Variants in INVS observed in about 807,000 individuals in gnomAD.
The protein encoded by INVS is inversin.
In INVS, 86 loss-of-function variants were observed where a neutral mutation model predicts 108.8. The observed-to-expected ratio is 0.79, with a 90% CI of 0.66 to 0.95. The LOEUF is 0.95. Ranked by LOEUF, INVS falls within the 40% of genes least tolerant of loss-of-function variation. The pLI is 0.00. For missense variants in INVS, 1,169 were observed against 1,297.4 expected, an observed-to-expected ratio of 0.90 and a Z score of 1.52; for synonymous variants, 455 against 473.5, an observed-to-expected ratio of 0.96 and a Z score of 0.51.
At position 100,157,979 on chromosome 9, in the gene INVS, A is replaced by G. The variant is rs149822294; in HGVS notation, c.273+31430A>G. Among the ~76,000 whole-genome samples the G allele has an allele frequency of 1.8e-4, 27 of 152,252 alleles. No homozygotes were observed. In the East Asian group the frequency reaches 4.6e-3, roughly 26 times the overall value. On this transcript the variant is annotated intron_variant, in intron 3 of 16. Coordinates refer to ENST00000262457, the MANE Select transcript of INVS (RefSeq NM_014425.5). ...TTCTCACCACCCATTTGTTAAATTT[A>G]TTTTCATATCTCTTAGTATTTCTTA...
intron 2 of INVS, among the ~76,000 whole-genome samples, chr9:100,108,225 A>G (rs527493478): frequency 6.6e-6 from 1 of 152,348 alleles, no homozygotes; most frequent in South Asian, 2.1e-4. Flanking sequence ...GAAACCTTGA[A>G]AATCCCCAAA....
intron 3 of INVS, among the ~76,000 whole-genome samples, chr9:100,167,874 A>G (rs1166560879): frequency 6.6e-6 from 1 of 152,212 alleles, no homozygotes; most frequent in Non-Finnish European, 1.5e-5. Context: ...GGCAAAAAAC[A>G]TACTATGAGA....
At chr9:100,119,780 A>G (rs184670510) in intron 2 of INVS, among the ~76,000 whole-genome samples, 1 of 152,188 alleles carries the variant, frequency 6.6e-6, no homozygotes, top group African/African-American at 2.4e-5. Flanking sequence ...AGGATGTCTC[A>G]ATCTCCTGAT....
intron 11 of INVS, 85 bp from the exon 12 acceptor site, chr9:100,272,779 T>C (rs1832994775): frequency 8.0e-7 from 1 of 1,245,594 alleles, no homozygotes; most frequent in Non-Finnish European, 1.2e-6. Flanking sequence ...AGTTTCCTTC[T>C]GCTGCATAAT....
At chr9:100,244,240 C>T (rs1008306568) in intron 7 of INVS, among the ~76,000 whole-genome samples, 3 of 152,036 alleles carry the variant, frequency 2.0e-5, no homozygotes, top group Non-Finnish European at 4.4e-5. Context: ...CTATTATCAC[C>T]TAACAAAGCA....
At chr9:100,212,515 A>G (rs749449052) in intron 3 of INVS, among the ~76,000 whole-genome samples, 1 of 151,882 alleles carries the variant, frequency 6.6e-6, no homozygotes, top group Non-Finnish European at 1.5e-5. Flanking sequence ...TCTTTTTGCT[A>G]GACCTCTCTG....
At chr9:100,185,802 T>C (rs1179961928) in intron 3 of INVS, among the ~76,000 whole-genome samples, 2 of 152,070 alleles carry the variant, frequency 1.3e-5, no homozygotes, top group East Asian at 1.9e-4. Context: ...GAACATACAG[T>C]ATTTGATGTT....
intron 3 of INVS, among the ~76,000 whole-genome samples, chr9:100,220,596 T>A (rs751132388): frequency 6.6e-6 from 1 of 152,160 alleles, no homozygotes; most frequent in Non-Finnish European, 1.5e-5. Context: ...TCTCCTTCGC[T>A]CTTATACTAT....
At chr9:100,193,597 C>A (rs1477565713) in intron 3 of INVS, among the ~76,000 whole-genome samples, 1 of 152,108 alleles carries the variant, frequency 6.6e-6, no homozygotes, top group African/African-American at 2.4e-5. Flanking sequence ...CACTCTCTGC[C>A]TCCACCCTCC....
At chr9:100,297,238 T>G in intron 15 of INVS, 92 bp downstream of exon 15, 1 of 1,026,006 alleles carries the variant, frequency 9.7e-7, no homozygotes, top group East Asian at 2.6e-5. Context: ...TTGGGTAAAC[T>G]TCCATTCAGA....
At chr9:100,298,345 G>T in intron 16 of INVS, 1 of 983,796 alleles carries the variant, frequency 1.0e-6, no homozygotes, top group Non-Finnish European at 1.2e-6. Flanking sequence ...CCATTTTGGT[G>T]TCACACTATG....
At chr9:100,266,317 A>C (rs1249890365) in intron 11 of INVS, among the ~76,000 whole-genome samples, 1 of 152,200 alleles carries the variant, frequency 6.6e-6, no homozygotes, top group Non-Finnish European at 1.5e-5. Context: ...AAGTTTATTA[A>C]GAAAGGAAAG....
intron 11 of INVS, among the ~76,000 whole-genome samples, chr9:100,265,324 T>C (rs1043087542): frequency 1.3e-5 from 2 of 152,166 alleles, no homozygotes; most frequent in African/African-American, 4.8e-5. Flanking sequence ...AGGTTAGATA[T>C]TGTTCAGAAA....
At chr9:100,296,890 G>T (rs779714038) in intron 14 of INVS, 27 bp from the exon 15 acceptor site, 1 of 1,571,212 alleles carries the variant, frequency 6.4e-7, no homozygotes, top group Non-Finnish European at 8.8e-7. Flanking sequence ...TGATCTTAAA[G>T]CCTCTCCTCT....
At chr9:100,129,353 T>C (rs954300477) in intron 3 of INVS, among the ~76,000 whole-genome samples, 2 of 150,792 alleles carry the variant, frequency 1.3e-5, no homozygotes, top group Non-Finnish European at 3.0e-5. Flanking sequence ...CACAAATTAG[T>C]TGGGCATGGT....
chr9:100,155,222 AAAG>A, intron 3 of INVS, among the ~76,000 whole-genome samples: 1 of 152,172 alleles, frequency 6.6e-6, no homozygotes, highest in Admixed American at 6.5e-5. Context: ...AAAAAAAAAA[AAAG>A]AAAATGAGCA....
rs58458085 is a variant in INVS, at chr9:100,273,527, C to CTTTTT, written c.1784+474_1784+478dup. Among the ~76,000 whole-genome samples, 7 of 96,318 alleles carry CTTTTT rather than the reference C, an allele frequency of 7.3e-5. 1 individual carries two copies. Among genetic ancestry groups the CTTTTT allele is most frequent in the African/African-American group, 1.4e-4 (3 of 21,736 alleles). The allele number at this position is 96,318 out of a possible 152,430, so 63.2% of individuals were successfully genotyped here. A position where few individuals can be genotyped will look rare whatever the true frequency, so the allele number is the denominator to read the frequency against. Reference sequence around the variant, plus strand: ...ACTTGGTTTTTTTTTCCACTCAGTTCTTTTTTTTTTTTTTTTTTTTTTTTT... The same window carrying CTTTTT: ...ACTTGGTTTTTTTTTCCACTCAGTTCTTTTTTTTTTTTTTTTTTTTTTTTTTTTTT... On this transcript the variant is annotated intron_variant, in intron 12 of 16. Transcript: ENST00000262457.
At chr9:100,134,423 T>A (rs1828158986) in intron 3 of INVS, among the ~76,000 whole-genome samples, 1 of 152,190 alleles carries the variant, frequency 6.6e-6, no homozygotes, top group Non-Finnish European at 1.5e-5. Flanking sequence ...AAGTATCTTT[T>A]TCGTATGATG....
At chr9:100,194,503 GT>G (rs35911770) in intron 3 of INVS, among the ~76,000 whole-genome samples, 49,579 of 146,218 alleles carry the variant, frequency 0.34, 8,956 homozygotes, top group Non-Finnish European at 0.43. Flanking sequence ...TAAAATGAGG[GT>G]TTTTTTTTTC....
Sources: gnomAD v4.1 joint callset for allele counts (sites outside exome capture counted in the v4.1 genomes callset) on GRCh38, gnomAD v4.1.1 for gene constraint, MANE v1.5 for transcripts, NCBI Gene and HGNC (gene_info 2026-07-23, HGNC 2026-07-21) for gene names.